FSHR: variants seen among roughly 807,000 people sequenced by gnomAD.
FSHR encodes the protein follicle-stimulating hormone receptor.
Under a neutral mutation model 52.1 loss-of-function variants are expected in FSHR, and 46 were observed. The observed-to-expected ratio is 0.88, with a 90% CI of 0.70 to 1.13. FSHR has a LOEUF of 1.13. Among genes scored for constraint, FSHR ranks in the 50% most tolerant of loss-of-function variants. The probability of loss-of-function intolerance (pLI) is 0.00; values close to 1 mark genes in which losing one functional copy is unlikely to be tolerated. For synonymous variants in FSHR, 399 were observed against 309.6 expected, an observed-to-expected ratio of 1.29 and a Z score of -3.03; for missense variants, 964 against 834.6, an observed-to-expected ratio of 1.16 and a Z score of -1.91.
At chr2:49,001,876 C>T (rs1666901665) in intron 4 of FSHR, among the ~76,000 whole-genome samples, 2 of 152,072 alleles carry the variant, frequency 1.3e-5, no homozygotes, top group African/African-American at 2.4e-5. Flanking sequence ...ACTATGTAAT[C>T]TCTGAGTTTC....
rs1042945342 is a variant in FSHR at position 49,041,133 on chromosome 2, T to A, written c.225-20973A>T. 3.3e-5 allele frequency among the ~76,000 whole-genome samples: 5 copies of A among 152,220 alleles called. No homozygotes were observed. The South Asian group carries it at 8.3e-4, about 25-fold the overall frequency. Reference sequence around the variant, plus strand: ...GAACACTTAGGGAGACACAGACCTTTTTCTTCAGGCTTCTTTGAAACTCTA... The same window carrying A: ...GAACACTTAGGGAGACACAGACCTTATTCTTCAGGCTTCTTTGAAACTCTA... On this transcript the variant is annotated intron_variant, in intron 2 of 9. Transcript: ENST00000406846.
chr2:49,148,102 T>C (rs555027052), intron 1 of FSHR, among the ~76,000 whole-genome samples: 7 of 152,038 alleles, frequency 4.6e-5, no homozygotes, highest in Non-Finnish European at 1.0e-4. Flanking sequence ...TTCTGTCTGG[T>C]TTAAAGTGAT....
chr2:49,064,224 G>A (rs1282364220), intron 2 of FSHR, among the ~76,000 whole-genome samples: 2 of 151,664 alleles, frequency 1.3e-5, no homozygotes, highest in Admixed American at 1.3e-4. Context: ...GTTGAAGGCT[G>A]TTGCAGTTAC....
chr2:49,094,669 G>A (rs1670755641), intron 1 of FSHR, among the ~76,000 whole-genome samples: 1 of 152,064 alleles, frequency 6.6e-6, no homozygotes, highest in East Asian at 1.9e-4. Context: ...TTCAGAGAGA[G>A]CAGTGCTTTG....
intron 2 of FSHR, among the ~76,000 whole-genome samples, chr2:49,063,784 C>T (rs1192628642): frequency 6.6e-6 from 1 of 151,988 alleles, no homozygotes; most frequent in African/African-American, 2.4e-5. Context: ...TAATTAACAA[C>T]AATTTGCTGT....
chr2:49,135,376 CA>C (rs1672454625), intron 1 of FSHR, among the ~76,000 whole-genome samples: 1 of 151,848 alleles, frequency 6.6e-6, no homozygotes, highest in Non-Finnish European at 1.5e-5. Context: ...CAAATGGATA[CA>C]TTTTTTAAAA....
chr2:49,021,884 T>TAG (rs1221533451), intron 2 of FSHR, among the ~76,000 whole-genome samples: 452 of 36,488 alleles, frequency 0.012, 6 homozygotes, highest in Non-Finnish European at 0.019. Context: ...TATATATATA[T>TAG]ATAGAGAGAG....
intron 8 of FSHR, among the ~76,000 whole-genome samples, chr2:48,974,019 C>T (rs1309620652): frequency 6.8e-6 from 1 of 146,650 alleles, no homozygotes; most frequent in African/African-American, 2.8e-5. Flanking sequence ...GATAAGCAGA[C>T]ATGACTCAGC....
At chr2:48,975,210 G>T (rs2104029895) in intron 8 of FSHR, among the ~76,000 whole-genome samples, 1 of 152,228 alleles carries the variant, frequency 6.6e-6, no homozygotes, top group Non-Finnish European at 1.5e-5. Context: ...CCCAGAAGCT[G>T]GGTACCCCTT....
At chr2:49,010,452 G>A (rs556941076) in intron 4 of FSHR, among the ~76,000 whole-genome samples, 2 of 152,238 alleles carry the variant, frequency 1.3e-5, no homozygotes, top group African/African-American at 4.8e-5. Context: ...GAAGATTTTT[G>A]CATCAATGTT....
At chr2:49,054,602 G>A (rs976416572) in intron 2 of FSHR, among the ~76,000 whole-genome samples, 1 of 152,090 alleles carries the variant, frequency 6.6e-6, no homozygotes, top group Non-Finnish European at 1.5e-5. Flanking sequence ...CAAAGTAATA[G>A]CCACATGGCC....
rs112562066 is a variant in FSHR, at chr2:49,099,216, C to A, written c.153-30926G>T. ...AATTCCCACATGTTGTGGGAGAGAC[C>A]CAGTGGAAGATAATTGAATCATGGG... On this transcript the variant is annotated intron_variant, in intron 1 of 9. Coordinates refer to ENST00000406846, the MANE Select transcript of FSHR (RefSeq NM_000145.4). 2.6e-4 allele frequency among the ~76,000 whole-genome samples: 39 copies of A among 151,998 alleles called. 2 individuals are homozygous for A. The highest frequency in any genetic ancestry group is 8.9e-4 in the African/African-American group (37 of 41,444).
chr2:49,149,066 T>TA (rs1023569829), intron 1 of FSHR, among the ~76,000 whole-genome samples: 3 of 151,850 alleles, frequency 2.0e-5, no homozygotes, highest in Non-Finnish European at 4.4e-5. Context: ...GTAATTTTTT[T>TA]AAAAAAAATA....
In FSHR at chr2:48,963,979, A is replaced by T; in HGVS notation, c.855-13T>A. ...ATGAAGCTCAGAGCTAGAAAAATAC[A>T]AAAAGAAATAGAATCAACATCTCAG... On this transcript the variant is annotated splice_polypyrimidine_tract_variant and intron_variant, in intron 9 of 9. Coordinates refer to ENST00000406846, the MANE Select transcript of FSHR (RefSeq NM_000145.4). The T allele has an allele frequency of 6.2e-7, 1 of 1,609,576 alleles. No individual in the cohort carries two copies. Among genetic ancestry groups the T allele is most frequent in the East Asian group, 2.2e-5 (1 of 44,866 alleles).
intron 4 of FSHR, among the ~76,000 whole-genome samples, chr2:48,998,958 G>A (rs1195751231): frequency 6.6e-6 from 1 of 152,026 alleles, no homozygotes; most frequent in African/African-American, 2.4e-5. Flanking sequence ...ATGCACACAA[G>A]ACTGCAGTCA....
intron 1 of FSHR, among the ~76,000 whole-genome samples, chr2:49,149,282 G>T (rs1000925712): frequency 2.0e-5 from 3 of 151,852 alleles, no homozygotes; most frequent in Non-Finnish European, 4.4e-5. Context: ...TTACCTCATG[G>T]TTACCTATAG....
chr2:49,127,784 CTT>C (rs1672073143), intron 1 of FSHR, among the ~76,000 whole-genome samples: 4 of 50,264 alleles, frequency 8.0e-5, no homozygotes, highest in African/African-American at 3.4e-4. Context: ...TCTTCTTCTT[CTT>C]CTTCTTCTTC....
At chr2:49,082,948 C>A (rs1275295621) in intron 1 of FSHR, among the ~76,000 whole-genome samples, 1 of 151,838 alleles carries the variant, frequency 6.6e-6, no homozygotes, top group East Asian at 1.9e-4. Context: ...AGAACTTCCC[C>A]AATCGAGCAA....
chr2:49,028,497 C>T (rs1215747834), intron 2 of FSHR, among the ~76,000 whole-genome samples: 2 of 152,154 alleles, frequency 1.3e-5, no homozygotes, highest in South Asian at 2.1e-4. Context: ...AATAATTATC[C>T]ACCTGTTAGG....
Sources: gnomAD v4.1 joint callset for allele counts (sites outside exome capture counted in the v4.1 genomes callset) on GRCh38, gnomAD v4.1.1 for gene constraint, MANE v1.5 for transcripts, NCBI Gene and HGNC (gene_info 2026-07-23, HGNC 2026-07-21) for gene names.